TPTE2: variants seen among roughly 807,000 people sequenced by gnomAD.
TPTE2 encodes the protein phosphatidylinositol 3,4,5-trisphosphate 3-phosphatase TPTE2.
A neutral mutation model predicts 78.6 loss-of-function variants in TPTE2; 53 were observed. The observed-to-expected ratio is 0.67, with a 90% CI of 0.54 to 0.85. TPTE2 has a LOEUF of 0.85. TPTE2 is among the 40% of genes least tolerant of loss of function. The pLI is 0.00. For synonymous variants in TPTE2, 175 were observed against 206.2 expected, an observed-to-expected ratio of 0.85 and a Z score of 1.30; for missense variants, 461 against 623.0, an observed-to-expected ratio of 0.74 and a Z score of 2.77.
chr13:19,446,482 T>G (rs1007402997), intron 13 of TPTE2, among the ~76,000 whole-genome samples: 5 of 152,158 alleles, frequency 3.3e-5, no homozygotes, highest in African/African-American at 1.2e-4. Flanking sequence ...CCCCCCAACT[T>G]CCAATTAGAT....
In TPTE2 at chr13:19,534,377, G is replaced by A. The variant is rs150935465; in HGVS notation, c.-44+2219C>T. On this transcript the variant is annotated intron_variant, in intron 1 of 17. Transcript: ENST00000390680. ...GCCCCAGACCGTCTGTATATGAAAC[G>A]CTCCCTTGGGGGCACTATGCCAGAT... Among the ~76,000 whole-genome samples the A allele has an allele frequency of 9.2e-5, 14 of 152,214 alleles. No homozygotes were observed. In the South Asian group the frequency reaches 1.9e-3, roughly 20 times the overall value.
chr13:19,459,557 A>G (rs191928246), intron 10 of TPTE2, among the ~76,000 whole-genome samples: 3,716 of 152,200 alleles, frequency 0.024, 64 homozygotes, highest in Middle Eastern at 0.051. Flanking sequence ...CCTCCGGACC[A>G]CCTGTATTCT....
chr13:19,552,567 T>G, the TPTE2 span: 2 of 861,116 alleles, frequency 2.3e-6, no homozygotes, highest in Non-Finnish European at 3.6e-6. Flanking sequence ...AAATTAACAC[T>G]TACCTGCTTC....
At chr13:19,506,685 T>C (rs570221226), upstream of TPTE2, among the ~76,000 whole-genome samples, 20 of 152,342 alleles carry the variant, frequency 1.3e-4, no homozygotes, top group South Asian at 4.1e-3. Flanking sequence ...CAGCAAAAGC[T>C]AGCAAAGAGG....
upstream of TPTE2, chr13:19,505,829 C>T (rs540386506): frequency 3.3e-5 from 5 of 151,988 alleles, no homozygotes; most frequent in Non-Finnish European, 7.4e-5. Flanking sequence ...AAATGGAAAA[C>T]CTCAGAGGTT....
At chr13:19,471,857 G>A (rs1413370166) in intron 6 of TPTE2, among the ~76,000 whole-genome samples, 1 of 152,100 alleles carries the variant, frequency 6.6e-6, no homozygotes, top group Non-Finnish European at 1.5e-5. Context: ...TCTAGGACAG[G>A]TCTGGTGTTG....
intron 1 of TPTE2, among the ~76,000 whole-genome samples, chr13:19,516,188 T>C (rs1869778886): frequency 6.6e-6 from 1 of 152,228 alleles, no homozygotes; most frequent in African/African-American, 2.4e-5. Context: ...ACCTTTATAA[T>C]CATGCTACCA....
rs1005952918 is a variant in TPTE2, at chr13:19,489,654, ATATC to A, written c.119+3192_119+3195del. Among the ~76,000 whole-genome samples, 3 of 150,290 alleles carry A rather than the reference ATATC, an allele frequency of 2.0e-5. No homozygotes were observed. The Admixed American group carries it at 2.0e-4, about 10-fold the overall frequency. On this transcript the variant is annotated intron_variant, in intron 3 of 19. Transcript: ENST00000400230. ...TAGACATATGTATATAGATATGTGT[ATATC>A]TATATACACAAATACATATTTATAT...
the TPTE2 span, chr13:19,560,821 G>T: frequency 2.0e-6 from 3 of 1,518,826 alleles, no homozygotes; most frequent in East Asian, 7.2e-5. Context: ...CCCCGGACGC[G>T]GTCCAGGCGC....
intron 1 of TPTE2, among the ~76,000 whole-genome samples, chr13:19,520,526 A>G (rs1262733593): frequency 6.6e-6 from 1 of 151,734 alleles, no homozygotes; most frequent in Non-Finnish European, 1.5e-5. Flanking sequence ...TAGCTAAGCT[A>G]TCAATTTTGT....
intron 10 of TPTE2, among the ~76,000 whole-genome samples, chr13:19,463,835 G>C (rs1177047984): frequency 3.3e-5 from 5 of 152,166 alleles, no homozygotes; most frequent in Admixed American, 1.3e-4. Context: ...CTTGGTATGA[G>C]AGCCATCATT....
upstream of TPTE2, among the ~76,000 whole-genome samples, chr13:19,506,463 G>A (rs1208866292): frequency 6.6e-5 from 10 of 152,008 alleles, no homozygotes; most frequent in South Asian, 2.1e-4. Context: ...GTGAGCCACC[G>A]CACCTGGCCT....
chr13:19,459,055 T>A (rs1043863554), intron 10 of TPTE2, among the ~76,000 whole-genome samples: 2 of 152,178 alleles, frequency 1.3e-5, no homozygotes, highest in Non-Finnish European at 2.9e-5. Context: ...AAAGCATTCC[T>A]TTTTCTCCAC....
At chr13:19,437,957 C>A (rs1418643577) in intron 14 of TPTE2, 135 bp downstream of exon 17, 3 of 1,314,858 alleles carry the variant, frequency 2.3e-6, no homozygotes, top group Admixed American at 5.2e-5. Flanking sequence ...AATAGACTTT[C>A]TAAAAACTGC....
intron 1 of TPTE2, among the ~76,000 whole-genome samples, chr13:19,494,985 G>C (rs1826045): frequency 2.6e-5 from 4 of 152,142 alleles, no homozygotes; most frequent in African/African-American, 9.7e-5. Flanking sequence ...AGCATTTTAG[G>C]CTGTGAACAT....
At chr13:19,433,015 G>T (rs1876789352) in intron 15 of TPTE2, among the ~76,000 whole-genome samples, 1 of 152,166 alleles carries the variant, frequency 6.6e-6, no homozygotes, top group Non-Finnish European at 1.5e-5. Context: ...CTCAGTAGCA[G>T]GTTTCCCGTC....
intron 3 of TPTE2, among the ~76,000 whole-genome samples, chr13:19,487,213 C>T (rs1767476277): frequency 6.6e-6 from 1 of 152,018 alleles, no homozygotes; most frequent in African/African-American, 2.4e-5. Flanking sequence ...AGAGTAAGCT[C>T]CCAGGGTTCT....
chr13:19,436,748 A>T (rs1877120140), intron 14 of TPTE2, among the ~76,000 whole-genome samples: 1 of 152,310 alleles, frequency 6.6e-6, no homozygotes, highest in Non-Finnish European at 1.5e-5. Flanking sequence ...TACCAAAAAT[A>T]ACAAAATTAG....
chr13:19,494,754 A>G (rs563815160), intron 1 of TPTE2, among the ~76,000 whole-genome samples: 3 of 152,276 alleles, frequency 2.0e-5, no homozygotes, highest in Non-Finnish European at 2.9e-5. Flanking sequence ...GGCTCTCTCA[A>G]TGATGACTCC....
Sources: gnomAD v4.1 joint callset for allele counts (sites outside exome capture counted in the v4.1 genomes callset) on GRCh38, gnomAD v4.1.1 for gene constraint, MANE v1.5 for transcripts, NCBI Gene and HGNC (gene_info 2026-07-23, HGNC 2026-07-21) for gene names.